FAF1: variants seen among roughly 807,000 people sequenced by gnomAD.
FAF1 encodes Fas associated factor 1, also known as FAS-associated factor 1.
In FAF1, 25 loss-of-function variants were observed where a neutral mutation model predicts 92.5. That is an observed-to-expected ratio of 0.27 (90% CI 0.20 to 0.38). The LOEUF (loss-of-function observed/expected upper bound fraction) is 0.38, where lower values mean the gene tolerates loss of function less well. FAF1 is among the 10% of genes least tolerant of loss of function. FAF1 has a pLI of 1.00. For synonymous variants in FAF1, 234 were observed against 273.2 expected, an observed-to-expected ratio of 0.86 and a Z score of 1.42; for missense variants, 636 against 793.3, an observed-to-expected ratio of 0.80 and a Z score of 2.38.
rs150683021 is a variant in FAF1 at position 50,441,200 on chromosome 1, G to C, written c.*240C>G. On this transcript the variant is annotated 3_prime_UTR_variant, in exon 19 of 19. Coordinates refer to ENST00000396153, the MANE Select transcript of FAF1 (RefSeq NM_007051.3). ...GTCATTGAAGGAGGGTGAAGTGCAG[G>C]GGGTAGGGGAGGGTGGCAGAGTTGT... 6 of 410,416 alleles carry C rather than the reference G, an allele frequency of 1.5e-5. No homozygotes were observed. Among genetic ancestry groups the C allele is most frequent in the Admixed American group, 4.1e-5 (1 of 24,308 alleles). The allele number at this position is 410,416 out of a possible 1,614,324, so 25.4% of individuals were successfully genotyped here. A position where few individuals can be genotyped will look rare whatever the true frequency, so the allele number is the denominator to read the frequency against.
At chr1:50,777,076 T>C (rs763399556) in intron 4 of FAF1, among the ~76,000 whole-genome samples, 11 of 151,614 alleles carry the variant, frequency 7.3e-5, no homozygotes, top group African/African-American at 1.9e-4. Context: ...TCTGGGCACA[T>C]AGTGAGACCC....
chr1:50,751,271 T>A (rs1037243268), intron 4 of FAF1, among the ~76,000 whole-genome samples: 5 of 151,992 alleles, frequency 3.3e-5, no homozygotes, highest in Admixed American at 3.3e-4. Context: ...ATACTAAGTA[T>A]TTCCCTCCTA....
chr1:50,554,260 C>T (rs767459630), intron 13 of FAF1, among the ~76,000 whole-genome samples: 14 of 151,126 alleles, frequency 9.3e-5, no homozygotes, highest in Non-Finnish European at 1.6e-4. Context: ...ATAGCCATTG[C>T]AATGACCTCA....
rs145743677 is a variant in FAF1 at position 50,899,108 on chromosome 1, G to C, written c.46-41111C>G. ...AATTCACTAGTATACAAGTTCACTA[G>C]TATACAAGTTCACTAGTATTTTTCC... On this transcript the variant is annotated intron_variant, in intron 1 of 18. Coordinates refer to ENST00000396153, the MANE Select transcript of FAF1 (RefSeq NM_007051.3). 2.0e-3 allele frequency among the ~76,000 whole-genome samples: 300 copies of C among 152,064 alleles called. 1 individual carries two copies. Among genetic ancestry groups the C allele is most frequent in the African/African-American group, 6.9e-3 (286 of 41,452 alleles).
At chr1:50,717,127 G>T (rs927944434) in intron 6 of FAF1, among the ~76,000 whole-genome samples, 1 of 152,208 alleles carries the variant, frequency 6.6e-6, no homozygotes, top group East Asian at 1.9e-4. Flanking sequence ...TGGAGTCAGC[G>T]AGAACAAGAA....
intron 2 of FAF1, among the ~76,000 whole-genome samples, chr1:50,851,225 C>T (rs1375512219): frequency 1.3e-5 from 2 of 152,054 alleles, no homozygotes; most frequent in South Asian, 4.1e-4. Flanking sequence ...GGACCACAGG[C>T]ATGCGCCACC....
chr1:50,946,875 T>C (rs1455137050), intron 1 of FAF1, among the ~76,000 whole-genome samples: 2 of 152,230 alleles, frequency 1.3e-5, no homozygotes, highest in Non-Finnish European at 2.9e-5. Context: ...GTGGAAAGTA[T>C]GCCTACCTCC....
chr1:50,459,103 G>A (rs1572755704), intron 18 of FAF1, among the ~76,000 whole-genome samples: 1 of 151,812 alleles, frequency 6.6e-6, no homozygotes, highest in Non-Finnish European at 1.5e-5. Flanking sequence ...TCCTGAGTAG[G>A]TGGGACTACA....
intron 1 of FAF1, among the ~76,000 whole-genome samples, chr1:50,904,753 G>A (rs571557348): frequency 2.6e-5 from 4 of 151,982 alleles, no homozygotes; most frequent in South Asian, 2.1e-4. Flanking sequence ...TCACTTTTCC[G>A]TATTTTGAGC....
At chr1:50,443,662 A>C (rs1405989752) in intron 18 of FAF1, among the ~76,000 whole-genome samples, 2 of 152,222 alleles carry the variant, frequency 1.3e-5, no homozygotes, top group East Asian at 3.8e-4. Flanking sequence ...TCTCACCTGT[A>C]AAATGGGAAT....
intron 8 of FAF1, among the ~76,000 whole-genome samples, chr1:50,654,752 G>A (rs1655026023): frequency 6.6e-6 from 1 of 152,104 alleles, no homozygotes; most frequent in Non-Finnish European, 1.5e-5. Flanking sequence ...GAAAGAAAAT[G>A]TTTTTGCCTT....
At chr1:50,612,588 G>T in intron 8 of FAF1, 1 of 459,578 alleles carries the variant, frequency 2.2e-6, no homozygotes, top group Non-Finnish European at 2.9e-6. Flanking sequence ...TCTTTGGATA[G>T]CAAATATAAG....
At chr1:50,885,812 AT>A (rs1452550605) in intron 1 of FAF1, among the ~76,000 whole-genome samples, 2 of 152,076 alleles carry the variant, frequency 1.3e-5, no homozygotes, top group Non-Finnish European at 2.9e-5. Flanking sequence ...CTCTGGTAGT[AT>A]GAGTTAATTT....
At position 50,910,858 on chromosome 1, in the gene FAF1, G is replaced by A. The variant is rs192716696; in HGVS notation, c.45+48909C>T. Among the ~76,000 whole-genome samples the A allele has an allele frequency of 7.7e-3, 1,170 of 152,030 alleles. 5 individuals carry two copies. Among genetic ancestry groups the A allele is most frequent in the Non-Finnish European group, 0.012 (815 of 67,988 alleles). Reference sequence around the variant, plus strand: ...GTGAGGCAATGCCCCGCCCTGCTTCGGCTCACACTCCGTGGGCTGCACCCA... The same window carrying A: ...GTGAGGCAATGCCCCGCCCTGCTTCAGCTCACACTCCGTGGGCTGCACCCA... On this transcript the variant is annotated intron_variant, in intron 1 of 18. Coordinates refer to ENST00000396153, the MANE Select transcript of FAF1 (RefSeq NM_007051.3).
Position 50,738,930 on chromosome 1 carries a change from G to T in FAF1, c.484C>A (p.Pro162Thr), listed in dbSNP as rs1006684591. Residue 162 changes from proline to threonine, a missense_variant, in exon 6 of 19, where the codon CCA (proline) becomes ACA (threonine). Physicochemically the swap from Pro to Thr is conservative, Grantham distance 38. Transcript: ENST00000396153. ...DSTVLKSLHL[P>T]KNNSLYVLTP... ...AGGACATAAAGACTGTTGTTTTTTG[G>T]CAAGTGTAGAGATTTTAGGACCGTC... 1 of 1,606,036 alleles carries T rather than the reference G, an allele frequency of 6.2e-7. No individual in the cohort carries two copies. Among genetic ancestry groups the T allele is most frequent in the South Asian group, 1.1e-5 (1 of 90,082 alleles).
intron 15 of FAF1, among the ~76,000 whole-genome samples, chr1:50,513,015 T>C (rs1414510982): frequency 6.6e-6 from 1 of 152,164 alleles, no homozygotes; most frequent in Non-Finnish European, 1.5e-5. Flanking sequence ...ACTTTTTTTG[T>C]ATGAGGGCCC....
chr1:50,846,484 C>G (rs969138248), intron 2 of FAF1: 12 of 483,904 alleles, frequency 2.5e-5, no homozygotes, highest in African/African-American at 1.8e-4. Context: ...CCGCTATAAG[C>G]TGGCTTTAAT....
chr1:50,547,248 T>C (rs769907808), intron 13 of FAF1, among the ~76,000 whole-genome samples: 8 of 152,032 alleles, frequency 5.3e-5, no homozygotes, highest in Non-Finnish European at 1.2e-4. Context: ...ATGCACATAT[T>C]GTAAGCATGT....
chr1:50,888,942 C>T lies in FAF1; in HGVS notation c.46-30945G>A, dbSNP rs540673099. 2.4e-4 allele frequency among the ~76,000 whole-genome samples: 37 copies of T among 152,244 alleles called. No homozygotes were observed. In the East Asian group the frequency reaches 5.8e-3, roughly 24 times the overall value. On this transcript the variant is annotated intron_variant, in intron 1 of 18. Coordinates refer to ENST00000396153, the MANE Select transcript of FAF1 (RefSeq NM_007051.3). ...TGGAATAGTTTCAGAAGGAATGGTA[C>T]CAGCTCCTCCTTGTACCTCTGGTAG...
Sources: allele counts gnomAD v4.1 joint callset (sites outside exome capture counted in the v4.1 genomes callset), GRCh38; gene constraint gnomAD v4.1.1; transcripts MANE v1.5; gene names NCBI Gene and HGNC (gene_info 2026-07-23, HGNC 2026-07-21).